Variants in ADCY8 observed in about 807,000 individuals in gnomAD.
The protein encoded by ADCY8 is adenylate cyclase 8, also known as adenylate cyclase type 8.
ADCY8 carries 51 observed loss-of-function variants against 119.7 expected under a neutral mutation model. The ratio of observed to expected loss-of-function variants is 0.43; its 90% CI spans 0.34 to 0.54. The LOEUF (loss-of-function observed/expected upper bound fraction) is 0.54, where lower values mean the gene tolerates loss of function less well. Among genes scored for constraint, ADCY8 ranks in the 20% least tolerant of loss-of-function variants. The probability of loss-of-function intolerance (pLI) is 0.03; values close to 1 mark genes in which losing one functional copy is unlikely to be tolerated. For synonymous variants in ADCY8, 665 were observed against 651.0 expected (o/e 1.02, Z -0.33); for missense variants, 1,383 against 1,598.8 (o/e 0.87, Z 2.30).
chr8:130,921,753 G>A lies in ADCY8; in HGVS notation c.1482-11887C>T, dbSNP rs1252777828. Among the ~76,000 whole-genome samples the A allele has an allele frequency of 4.6e-5, 7 of 152,086 alleles. No individual in the cohort carries two copies. The South Asian group carries it at 6.2e-4, about 14-fold the overall frequency. On this transcript the variant is annotated intron_variant, in intron 5 of 17. Transcript: ENST00000286355. Reference sequence around the variant, plus strand: ...CAGGTGTGAGCCACTGCACCTGGTCGTTACCCATTTTTCTATTTTTTACAT... The same window carrying A: ...CAGGTGTGAGCCACTGCACCTGGTCATTACCCATTTTTCTATTTTTTACAT...
intron 1 of ADCY8, among the ~76,000 whole-genome samples, chr8:131,003,376 T>G (rs550915933): frequency 1.9e-4 from 29 of 152,332 alleles, no homozygotes; most frequent in African/African-American, 6.5e-4. Context: ...TAAAGTTAAA[T>G]TATGCTAATG....
At chr8:130,846,654 C>T (rs866064338) in intron 11 of ADCY8, among the ~76,000 whole-genome samples, 6 of 129,064 alleles carry the variant, frequency 4.6e-5, no homozygotes, top group African/African-American at 8.4e-5. Flanking sequence ...CTCCTTCCTT[C>T]CCCTTCCTTC....
intron 5 of ADCY8, among the ~76,000 whole-genome samples, chr8:130,914,761 T>C (rs185848759): frequency 1.6e-4 from 25 of 152,266 alleles, no homozygotes; most frequent in African/African-American, 5.8e-4. Context: ...GCCTAATCAG[T>C]CACAAATTAA....
At position 130,824,502 on chromosome 8, in the gene ADCY8, G is replaced by A. The variant is rs187028241; in HGVS notation, c.2676-3082C>T. ...CTACTTATAATTGCTTGCCCTTAAG[G>A]TCCTAAAGGATAAAAATAATGCCTT... On this transcript the variant is annotated intron_variant, in intron 12 of 17. Coordinates refer to ENST00000286355, the MANE Select transcript of ADCY8 (RefSeq NM_001115.3). 2.0e-5 allele frequency among the ~76,000 whole-genome samples: 3 copies of A among 152,110 alleles called. No homozygotes were observed. The South Asian group carries it at 6.2e-4, about 32-fold the overall frequency.
chr8:130,815,914 G>GCCT (rs1303735912), intron 13 of ADCY8, among the ~76,000 whole-genome samples: 1 of 152,190 alleles, frequency 6.6e-6, no homozygotes, highest in East Asian at 1.9e-4. Context: ...TCTTGTCCTA[G>GCCT]CCTCCCCTCT....
intron 1 of ADCY8, among the ~76,000 whole-genome samples, chr8:131,016,703 A>C (rs1173112071): frequency 6.6e-6 from 1 of 152,028 alleles, no homozygotes; most frequent in African/African-American, 2.4e-5. Context: ...AGTGAGAAAG[A>C]GAGAGAGAGT....
intron 9 of ADCY8, among the ~76,000 whole-genome samples, chr8:130,853,875 TACTTTTTAATCTGTAAA>T (rs1817621592): frequency 6.6e-6 from 1 of 152,232 alleles, no homozygotes; most frequent in Admixed American, 6.5e-5. Context: ...CTCTGAGAAT[TACTTTTTAATCTGTAAA>T]ACAGGGATTT....
At chr8:130,842,096 G>T (rs1186697215) in intron 11 of ADCY8, among the ~76,000 whole-genome samples, 5 of 152,098 alleles carry the variant, frequency 3.3e-5, no homozygotes, top group Non-Finnish European at 1.5e-5. Flanking sequence ...CACTCCTAGT[G>T]GTCCTTTGAT....
chr8:130,893,750 G>A (rs1819279991), intron 7 of ADCY8, among the ~76,000 whole-genome samples: 1 of 151,188 alleles, frequency 6.6e-6, no homozygotes, highest in African/African-American at 2.4e-5. Context: ...GCAAGTTTAT[G>A]TGTGTGTGCA....
At chr8:130,786,727 C>T (rs375349032) in intron 15 of ADCY8, among the ~76,000 whole-genome samples, 11 of 152,202 alleles carry the variant, frequency 7.2e-5, no homozygotes, top group African/African-American at 2.6e-4. Flanking sequence ...ACAGAACATG[C>T]CCTAGTTCAA....
At chr8:130,792,947 T>G (rs1458313257) in intron 15 of ADCY8, among the ~76,000 whole-genome samples, 1 of 152,172 alleles carries the variant, frequency 6.6e-6, no homozygotes, top group Non-Finnish European at 1.5e-5. Flanking sequence ...CCACGCTGGT[T>G]TAAAGGCAGG....
intron 15 of ADCY8, among the ~76,000 whole-genome samples, chr8:130,794,249 CGTTT>C (rs138718550): frequency 0.014 from 2,125 of 152,182 alleles, 49 homozygotes; most frequent in East Asian, 0.12. Context: ...TTTGTTTGTT[CGTTT>C]GTTTGTTTTG....
intron 11 of ADCY8, among the ~76,000 whole-genome samples, chr8:130,845,259 A>G (rs527905146): frequency 5.3e-5 from 8 of 152,280 alleles, no homozygotes; most frequent in Non-Finnish European, 7.4e-5. Flanking sequence ...TCAAGGGTAT[A>G]CAATATTAAT....
intron 9 of ADCY8, among the ~76,000 whole-genome samples, chr8:130,864,330 A>T (rs1010024130): frequency 6.6e-6 from 1 of 152,022 alleles, no homozygotes; most frequent in African/African-American, 2.4e-5. Flanking sequence ...TTTTTATTTA[A>T]CCAAAGTATT....
intron 2 of ADCY8, among the ~76,000 whole-genome samples, chr8:130,978,954 G>A (rs1008327643): frequency 1.8e-4 from 27 of 152,142 alleles, no homozygotes; most frequent in African/African-American, 4.8e-4. Context: ...TCAAACAAGC[G>A]TACTAGATGG....
At chr8:130,934,405 A>T (rs1820724934) in intron 5 of ADCY8, among the ~76,000 whole-genome samples, 1 of 152,134 alleles carries the variant, frequency 6.6e-6, no homozygotes, top group Non-Finnish European at 1.5e-5. Flanking sequence ...ACACTTATAA[A>T]CAACCAGCTC....
chr8:130,883,085 C>T (rs1453861043), intron 8 of ADCY8, among the ~76,000 whole-genome samples: 3 of 151,724 alleles, frequency 2.0e-5, no homozygotes, highest in Middle Eastern at 6.8e-3. Context: ...TGCTGTTCCT[C>T]CCTTAGATGT....
At chr8:130,912,495 A>G (rs1820011617) in intron 5 of ADCY8, among the ~76,000 whole-genome samples, 1 of 152,204 alleles carries the variant, frequency 6.6e-6, no homozygotes, top group African/African-American at 2.4e-5. Context: ...TGCTTTCCAT[A>G]CAGTAGGACT....
intron 2 of ADCY8, among the ~76,000 whole-genome samples, chr8:130,986,829 G>C (rs1282285202): frequency 6.6e-6 from 1 of 152,178 alleles, no homozygotes; most frequent in Non-Finnish European, 1.5e-5. Context: ...TAACACTCAG[G>C]AAATATATAT....
Sources: allele counts gnomAD v4.1 joint callset (sites outside exome capture counted in the v4.1 genomes callset), GRCh38; gene constraint gnomAD v4.1.1; transcripts MANE v1.5; gene names NCBI Gene and HGNC (gene_info 2026-07-23, HGNC 2026-07-21).